Variants in TP63 observed in about 807,000 individuals in gnomAD.
TP63 encodes tumor protein 63.
A neutral mutation model predicts 82.8 loss-of-function variants in TP63; 17 were observed. The ratio of observed to expected loss-of-function variants is 0.21; its 90% confidence interval spans 0.14 to 0.31. The LOEUF is 0.31. Among genes scored for constraint, TP63 ranks in the 10% least tolerant of loss-of-function variants. The pLI is 1.00. For missense variants in TP63, 648 were observed against 895.3 expected (o/e 0.72, Z 3.52); for synonymous variants, 330 against 321.7 (o/e 1.03, Z -0.28).
rs183097712 is a variant in TP63 at position 189,730,361 on chromosome 3, C to A, written c.63-7379C>A. Among the ~76,000 whole-genome samples the A allele has an allele frequency of 7.2e-5, 11 of 152,234 alleles. No homozygotes were observed. In the East Asian group the frequency reaches 2.1e-3, roughly 29 times the overall value. Reference sequence around the variant, plus strand: ...CATTTTCTTATGCCAATTTTCTGGTCATATCGTGGAAAAAGGCTGACTATT... The same window carrying A: ...CATTTTCTTATGCCAATTTTCTGGTAATATCGTGGAAAAAGGCTGACTATT... On this transcript the variant is annotated intron_variant, in intron 1 of 13. Transcript: ENST00000264731.
chr3:189,666,169 C>T (rs1714376526), intron 1 of TP63, among the ~76,000 whole-genome samples: 1 of 151,948 alleles, frequency 6.6e-6, no homozygotes, highest in African/African-American at 2.4e-5. Context: ...AAGCACATTT[C>T]CAATTATAAA....
At chr3:189,842,754 TG>T (rs150360123) in intron 4 of TP63, among the ~76,000 whole-genome samples, 22 of 152,322 alleles carry the variant, frequency 1.4e-4, no homozygotes, top group Non-Finnish European at 3.1e-4. Context: ...AACGTATCAG[TG>T]TCATCTCACC....
At chr3:189,870,010 C>T (rs1718225329) in intron 9 of TP63, among the ~76,000 whole-genome samples, 1 of 152,148 alleles carries the variant, frequency 6.6e-6, no homozygotes, top group South Asian at 2.1e-4. Flanking sequence ...TACCTACCCA[C>T]CCAACTAAAG....
At chr3:189,752,084 T>C (rs1163942039) in intron 3 of TP63, among the ~76,000 whole-genome samples, 1 of 152,154 alleles carries the variant, frequency 6.6e-6, no homozygotes, top group Non-Finnish European at 1.5e-5. Flanking sequence ...TTGGGTAAGT[T>C]TGGTAAATTG....
intron 1 of TP63, among the ~76,000 whole-genome samples, chr3:189,693,690 A>T (rs1320888341): frequency 6.6e-6 from 1 of 152,200 alleles, no homozygotes; most frequent in Non-Finnish European, 1.5e-5. Flanking sequence ...ATACGGCTAT[A>T]GTAAAATGGA....
chr3:189,798,908 A>G (rs934301969), intron 3 of TP63, among the ~76,000 whole-genome samples: 7 of 152,116 alleles, frequency 4.6e-5, no homozygotes, highest in East Asian at 1.9e-4. Flanking sequence ...GAACACTCCA[A>G]TGTTATATAG....
chr3:189,640,171 T>C (rs1319124996), intron 1 of TP63, among the ~76,000 whole-genome samples: 1 of 152,108 alleles, frequency 6.6e-6, no homozygotes, highest in Non-Finnish European at 1.5e-5. Flanking sequence ...TTACAACTTT[T>C]CCATGACACT....
At chr3:189,855,956 A>G (rs960590429) in intron 4 of TP63, among the ~76,000 whole-genome samples, 1 of 152,044 alleles carries the variant, frequency 6.6e-6, no homozygotes. Context: ...AAGGTACTTT[A>G]TACCTTCACA....
Position 189,869,246 on chromosome 3 carries a change from T to C in TP63, c.1130-78T>C, listed in dbSNP as rs145733201. Reference sequence around the variant, plus strand: ...ATTAAATCTGATTAACATTAATATTTAATTATTAAGTATATTTAATATGCA... The same window carrying C: ...ATTAAATCTGATTAACATTAATATTCAATTATTAAGTATATTTAATATGCA... On this transcript the variant is annotated intron_variant, in intron 8 of 13. Transcript: ENST00000264731. 3 of 1,049,826 alleles carry C rather than the reference T, an allele frequency of 2.9e-6. No individual in the cohort carries two copies. The Admixed American group carries it at 5.8e-5, about 20-fold the overall frequency. 65.0% of individuals were successfully genotyped at this position (1,049,826 alleles called of 1,614,324 possible). A position where few individuals can be genotyped will look rare whatever the true frequency, so the allele number is the denominator to read the frequency against.
chr3:189,677,245 A>G (rs1715486645), intron 1 of TP63, among the ~76,000 whole-genome samples: 1 of 149,846 alleles, frequency 6.7e-6, no homozygotes, highest in African/African-American at 2.4e-5. Context: ...ATATGTACAT[A>G]TAATGTGTAC....
intron 1 of TP63, among the ~76,000 whole-genome samples, chr3:189,661,651 A>G (rs1475287152): frequency 1.3e-5 from 2 of 151,978 alleles, no homozygotes; most frequent in Non-Finnish European, 2.9e-5. Flanking sequence ...TAGAATTGGT[A>G]CCTTGCCCTC....
intron 3 of TP63, among the ~76,000 whole-genome samples, chr3:189,776,999 C>G (rs1723851767): frequency 6.6e-6 from 1 of 152,092 alleles, no homozygotes; most frequent in African/African-American, 2.4e-5. Flanking sequence ...AGGCCTATAC[C>G]TTTTCTTCAG....
rs1174628227 is a variant in TP63 at position 189,662,390 on chromosome 3, G to T, written c.62+30813G>T. ...TTGCCTAGTTTTGAGAGATCTTCTT[G>T]GTATTGATTTCTACTTTTATTCCAC... On this transcript the variant is annotated intron_variant, in intron 1 of 13. Transcript: ENST00000264731. 3.3e-5 allele frequency among the ~76,000 whole-genome samples: 5 copies of T among 151,808 alleles called. No individual in the cohort carries two copies. In the East Asian group the frequency reaches 9.7e-4, roughly 29 times the overall value.
chr3:189,789,734 T>C (rs200635680), intron 3 of TP63: 41 of 1,337,020 alleles, frequency 3.1e-5, no homozygotes, highest in Middle Eastern at 3.7e-4. Context: ...GGTCTCGGGG[T>C]GGGGGGGTTG....
At chr3:189,772,727 G>A (rs1338559059) in intron 3 of TP63, among the ~76,000 whole-genome samples, 1 of 152,140 alleles carries the variant, frequency 6.6e-6, no homozygotes, top group African/African-American at 2.4e-5. Context: ...GTCTAACAGC[G>A]TTGGTGGTGT....
chr3:189,607,820 A>G, the TP63 span, among the ~76,000 whole-genome samples: 1 of 152,192 alleles, frequency 6.6e-6, no homozygotes, highest in Non-Finnish European at 1.5e-5. Context: ...TAATGTATTT[A>G]TATAGTTTTA....
intron 1 of TP63, among the ~76,000 whole-genome samples, chr3:189,728,213 C>T (rs1719910106): frequency 6.6e-6 from 1 of 151,346 alleles, no homozygotes; most frequent in African/African-American, 2.4e-5. Context: ...GAAATAAAGC[C>T]CTTTCTAGTT....
At chr3:189,672,060 CAAAG>C (rs1408113681) in intron 1 of TP63, among the ~76,000 whole-genome samples, 2 of 152,008 alleles carry the variant, frequency 1.3e-5, no homozygotes, top group Non-Finnish European at 2.9e-5. Flanking sequence ...GTTCACAACA[CAAAG>C]AAATGATAAA....
the TP63 span, among the ~76,000 whole-genome samples, chr3:189,618,617 A>G: frequency 6.6e-5 from 10 of 152,130 alleles, no homozygotes; most frequent in Non-Finnish European, 1.0e-4. Flanking sequence ...TCCCAGGTCT[A>G]TGACCACCTC....
Sources: gnomAD v4.1 joint callset for allele counts (sites outside exome capture counted in the v4.1 genomes callset) on GRCh38, gnomAD v4.1.1 for gene constraint, MANE v1.5 for transcripts, NCBI Gene and HGNC (gene_info 2026-07-23, HGNC 2026-07-21) for gene names.